CDKN2B-AS1: variants seen among roughly 807,000 people sequenced by gnomAD.
CDKN2B-AS1 encodes CDKN2B antisense RNA 1 (non-protein coding).
At chr9:22,066,476 T>G (rs1375652470) in intron 4 of CDKN2B-AS1, 1 of 151,996 alleles carries the variant, frequency 6.6e-6, no homozygotes, top group Non-Finnish European at 1.5e-5. Flanking sequence ...ATTACAGACA[T>G]GAGCCACTGC....
chr9:22,107,786 A>G (rs932826872), intron 4 of CDKN2B-AS1, among the ~76,000 whole-genome samples: 1 of 152,198 alleles, frequency 6.6e-6, no homozygotes, highest in Non-Finnish European at 1.5e-5. Context: ...GCCAGGGGGA[A>G]TCTCCATATG....
chr9:22,012,295 C>A, intron 1 of CDKN2B-AS1: 1 of 1,471,102 alleles, frequency 6.8e-7, no homozygotes, highest in Non-Finnish European at 9.5e-7. Flanking sequence ...TATTTGCCAG[C>A]AAACAGCTGG....
At chr9:22,015,983 T>A (rs889580641) in intron 1 of CDKN2B-AS1, among the ~76,000 whole-genome samples, 5 of 152,350 alleles carry the variant, frequency 3.3e-5, no homozygotes, top group Middle Eastern at 3.4e-3. Flanking sequence ...TCATTGTAGA[T>A]TCTGGATATT....
chr9:22,012,299 C>T, intron 1 of CDKN2B-AS1: 1 of 1,469,198 alleles, frequency 6.8e-7, no homozygotes, highest in Non-Finnish European at 9.5e-7. Flanking sequence ...TGCCAGCAAA[C>T]AGCTGGAGGA....
chr9:22,116,839 TG>T (rs1825962134), intron 4 of CDKN2B-AS1, among the ~76,000 whole-genome samples: 1 of 152,218 alleles, frequency 6.6e-6, no homozygotes, highest in Admixed American at 6.5e-5. Context: ...ATGTCATAAC[TG>T]TCCAGATGTA....
intron 3 of CDKN2B-AS1, among the ~76,000 whole-genome samples, chr9:22,050,506 T>C (rs1308181942): frequency 1.3e-5 from 2 of 152,218 alleles, no homozygotes; most frequent in Non-Finnish European, 2.9e-5. Context: ...TAAAATCCCG[T>C]TGGGCAATTT....
intron 4 of CDKN2B-AS1, among the ~76,000 whole-genome samples, chr9:22,057,279 A>T (rs974850606): frequency 1.3e-5 from 2 of 152,124 alleles, no homozygotes; most frequent in Admixed American, 6.5e-5. Context: ...AAAGGCCTTC[A>T]CATTCTCTTG....
At chr9:22,018,934 G>C (rs927326362) in intron 1 of CDKN2B-AS1, among the ~76,000 whole-genome samples, 1 of 152,186 alleles carries the variant, frequency 6.6e-6, no homozygotes, top group Non-Finnish European at 1.5e-5. Flanking sequence ...AGCTGATCTG[G>C]TCTGGTGGTT....
intron 4 of CDKN2B-AS1, chr9:22,061,890 G>A (rs899869059): frequency 2.6e-5 from 4 of 151,830 alleles, no homozygotes; most frequent in East Asian, 1.9e-4. Context: ...AAAATATGTA[G>A]GCTTGTGCCT....
chr9:22,088,260 G>C (rs546587045), intron 4 of CDKN2B-AS1, among the ~76,000 whole-genome samples: 1 of 152,260 alleles, frequency 6.6e-6, no homozygotes, highest in Non-Finnish European at 1.5e-5. Flanking sequence ...GTCGTAAGAA[G>C]CGAATGTTGC....
intron 1 of CDKN2B-AS1, among the ~76,000 whole-genome samples, chr9:22,019,245 T>C (rs1429938162): frequency 6.6e-6 from 1 of 152,226 alleles, no homozygotes; most frequent in African/African-American, 2.4e-5. Context: ...TAAAGACACA[T>C]GATGTGATCA....
chr9:22,011,969 T>A (rs1018831733), intron 1 of CDKN2B-AS1, among the ~76,000 whole-genome samples: 2 of 152,182 alleles, frequency 1.3e-5, no homozygotes, highest in Non-Finnish European at 2.9e-5. Flanking sequence ...TGGCATAGAA[T>A]TTTGGAGGTC....
chr9:22,095,097 G>C (rs981640456), intron 4 of CDKN2B-AS1, among the ~76,000 whole-genome samples: 1 of 144,802 alleles, frequency 6.9e-6, no homozygotes, highest in Admixed American at 6.7e-5. Flanking sequence ...TGTTTGCCTG[G>C]GTATCAGCAG....
chr9:22,001,363 T>A lies in CDKN2B-AS1; in HGVS notation n.29+6202T>A, dbSNP rs1820911478. Among the ~76,000 whole-genome samples, 1 of 152,104 alleles carries A rather than the reference T, an allele frequency of 6.6e-6. No individual in the cohort carries two copies. Among genetic ancestry groups the A allele is most frequent in the Non-Finnish European group, 1.5e-5 (1 of 67,976 alleles). On this transcript the variant is annotated intron_variant and non_coding_transcript_variant, in intron 1 of 4. Coordinates refer to ENST00000650946, the Ensembl canonical transcript of CDKN2B-AS1. This position sits in a 1 kb window ranked among gnomAD's most constrained non-coding sequence, Gnocchi z 4.2. ...TGAGTGTGAAGTGGATTAATAGGTG[T>A]TTGGGGTCCTTTGTAAACTTCTAGT...
intron 4 of CDKN2B-AS1, chr9:22,092,587 C>G (rs1438840628): frequency 6.6e-6 from 1 of 152,160 alleles, no homozygotes; most frequent in African/African-American, 2.4e-5. Flanking sequence ...TCCATTTCTT[C>G]TAGATTTTCT....
rs374991217 is a variant in CDKN2B-AS1, at chr9:22,041,614, CTG to C, written n.30-5136_30-5135del. ...TTGTAAATGGAAAGAGTTAAGCTCT[CTG>C]AATCTACTGCTGAAAGGTGAAAACA... On this transcript the variant is annotated intron_variant and non_coding_transcript_variant, in intron 1 of 4. Coordinates refer to ENST00000650946, the Ensembl canonical transcript of CDKN2B-AS1. 2.8e-4 allele frequency among the ~76,000 whole-genome samples: 42 copies of C among 152,150 alleles called. No individual in the cohort carries two copies. The East Asian group carries it at 7.2e-3, about 26-fold the overall frequency.
chr9:22,050,851 G>A (rs1012136567), intron 3 of CDKN2B-AS1, among the ~76,000 whole-genome samples: 3 of 152,176 alleles, frequency 2.0e-5, no homozygotes, highest in African/African-American at 7.2e-5. Context: ...GTTCACCTCA[G>A]TGGGATCCAG....
chr9:22,008,405 T>A (rs1277812657), intron 1 of CDKN2B-AS1, among the ~76,000 whole-genome samples: 7 of 152,230 alleles, frequency 4.6e-5, no homozygotes, highest in Admixed American at 6.5e-5. Flanking sequence ...CCATGTACTA[T>A]GATTTTGTAG....
At chr9:22,121,566 T>C (rs1479619315) in intron 4 of CDKN2B-AS1, among the ~76,000 whole-genome samples, 1 of 152,074 alleles carries the variant, frequency 6.6e-6, no homozygotes, top group African/African-American at 2.4e-5. Flanking sequence ...CCCCCTACTT[T>C]TCCTAGCTTC....
Sources: gnomAD v4.1 joint callset for allele counts (sites outside exome capture counted in the v4.1 genomes callset) on GRCh38, gnomAD v4.1.1 for gene constraint, Gnocchi (gnomAD v3.1) non-coding constraint, MANE v1.5 for transcripts, NCBI Gene and HGNC (gene_info 2026-07-23, HGNC 2026-07-21) for gene names.